The following CD44 variants were observed in gnomAD, a reference collection of about 807,000 sequenced individuals.
CD44 encodes the protein CD44 molecule (IN blood group).
Under a neutral mutation model 88.8 loss-of-function variants are expected in CD44, and 49 were observed. The ratio of observed to expected loss-of-function variants is 0.55; its 90% CI spans 0.44 to 0.70. The LOEUF (loss-of-function observed/expected upper bound fraction) is 0.70. Ranked by LOEUF, CD44 falls within the 30% of genes least tolerant of loss-of-function variation. The pLI, the probability that CD44 is intolerant of heterozygous loss-of-function variation, is 0.00. For synonymous variants in CD44, 325 were observed against 312.3 expected (o/e 1.04, Z -0.43); for missense variants, 883 against 913.8 (o/e 0.97, Z 0.43).
At chr11:35,166,804 C>T (rs1380541305) in intron 1 of CD44, among the ~76,000 whole-genome samples, 1 of 152,256 alleles carries the variant, frequency 6.6e-6, no homozygotes, top group East Asian at 1.9e-4. Flanking sequence ...GTTTTCTCTG[C>T]TCATTAAACC....
At chr11:35,217,510 T>C (rs1197419708) in intron 15 of CD44, among the ~76,000 whole-genome samples, 2 of 152,208 alleles carry the variant, frequency 1.3e-5, no homozygotes, top group African/African-American at 4.8e-5. Flanking sequence ...GGAAAGGGCC[T>C]TGGACTGTTT....
At chr11:35,158,543 T>C (rs778703783) in intron 1 of CD44, among the ~76,000 whole-genome samples, 3 of 152,202 alleles carry the variant, frequency 2.0e-5, no homozygotes, top group Non-Finnish European at 2.9e-5. Context: ...ATAGAACGAC[T>C]GGCATGGAGT....
intron 1 of CD44, among the ~76,000 whole-genome samples, chr11:35,144,418 C>T (rs1006627133): frequency 2.0e-5 from 3 of 152,188 alleles, no homozygotes; most frequent in African/African-American, 7.2e-5. Context: ...AGCAAGAAAC[C>T]GATGACTCAA....
chr11:35,219,517 C>T (rs970301020), intron 16 of CD44, 130 bp downstream of exon 16: 31 of 687,952 alleles, frequency 4.5e-5, no homozygotes, highest in Non-Finnish European at 7.4e-5. Flanking sequence ...AATTGCTCCT[C>T]TTTACAAGTT....
At chr11:35,153,909 G>A (rs1941513215) in intron 1 of CD44, among the ~76,000 whole-genome samples, 1 of 152,124 alleles carries the variant, frequency 6.6e-6, no homozygotes, top group Non-Finnish European at 1.5e-5. Flanking sequence ...TCTCACCATT[G>A]GGTCTTCTGA....
intron 1 of CD44, among the ~76,000 whole-genome samples, chr11:35,161,327 C>T (rs1942572173): frequency 6.6e-6 from 1 of 152,164 alleles, no homozygotes; most frequent in Non-Finnish European, 1.5e-5. Flanking sequence ...GAAAACATAG[C>T]ATGCATAACA....
intron 14 of CD44, among the ~76,000 whole-genome samples, chr11:35,212,394 T>C (rs755053336): frequency 6.0e-5 from 9 of 149,460 alleles, no homozygotes; most frequent in Non-Finnish European, 1.0e-4. Context: ...TGTGTGCATA[T>C]ATATATAATT....
In CD44 at chr11:35,176,637, A is replaced by G; in HGVS notation, c.130A>G (p.Ile44Val). ...CGTGGAGAAAAATGGTCGCTACAGC[A>G]TCTCTCGGACGGAGGCCGCTGACCT... ...FHVEKNGRYS[I>V]SRTEAADLCK... The change falls in exon 2 of 18, where the codon ATC becomes GTC. Residue 44 changes from isoleucine (I) to valine (V), a missense_variant. By Grantham distance (29) the Ile-to-Val change is conservative. This residue lies in a region of CD44 where 252 missense variants were observed against 322.9 expected (regional missense o/e 0.78). Coordinates refer to ENST00000428726, the MANE Select transcript of CD44 (RefSeq NM_000610.4). 1 of 1,614,192 alleles carries G rather than the reference A, an allele frequency of 6.2e-7. No individual in the cohort carries two copies. The highest frequency in any genetic ancestry group is 8.5e-7 in the Non-Finnish European group (1 of 1,179,998).
At chr11:35,222,755 A>T (rs1166776467) in intron 17 of CD44, 3 of 980,722 alleles carry the variant, frequency 3.1e-6, no homozygotes, top group Non-Finnish European at 3.6e-6. Flanking sequence ...ATTTTTCTCC[A>T]GGACGTAATT....
At chr11:35,173,933 G>T (rs1439326920) in intron 1 of CD44, among the ~76,000 whole-genome samples, 1 of 152,202 alleles carries the variant, frequency 6.6e-6, no homozygotes, top group Non-Finnish European at 1.5e-5. Context: ...GTCTGAGATA[G>T]ATTTCCTGCT....
In CD44 at chr11:35,192,884, T is replaced by C. The variant is rs139861432; in HGVS notation, c.667+2819T>C. On this transcript the variant is annotated intron_variant, in intron 5 of 17. Coordinates refer to ENST00000428726, the MANE Select transcript of CD44 (RefSeq NM_000610.4). ...GCTAGGCAGTAGCTTTTTCCATTTT[T>C]CCCCCTCATACCACTCCTTTCAGGA... is the stretch of plus-strand genomic sequence containing the variant. 6.8e-4 allele frequency among the ~76,000 whole-genome samples: 103 copies of C among 151,676 alleles called. 2 individuals carry two copies. The East Asian group carries it at 0.019, about 27-fold the overall frequency.
chr11:35,214,987 A>T (rs1948706530), intron 15 of CD44, 73 bp downstream of exon 15: 4 of 889,996 alleles, frequency 4.5e-6, no homozygotes, highest in Non-Finnish European at 6.6e-6. Flanking sequence ...ACGAAGTATG[A>T]GTCAGTGTCT....
chr11:35,196,846 T>C lies in CD44; in HGVS notation c.768T>C (p.Asn256=), dbSNP rs1217197500. 6.2e-7 allele frequency: 1 copy of C among 1,613,598 alleles called. No homozygotes were observed. The highest frequency in any genetic ancestry group is 1.3e-5 in the African/African-American group (1 of 74,942). The change falls in exon 6 of 18, where the codon AAT becomes AAC. Residue 256 remains asparagine (N), a synonymous_variant. Coordinates refer to ENST00000428726, the MANE Select transcript of CD44 (RefSeq NM_000610.4). ...SWLFLPSESK[N]HLHTTTQMAG... ...TGTTTCTACCATCAGAGTCAAAGAA[T>C]CATCTTCACACAACAACACAAATGG...
At position 35,208,170 on chromosome 11, in the gene CD44, G is replaced by A; in HGVS notation, c.1480G>A (p.Asp494Asn). 6.2e-7 allele frequency: 1 copy of A among 1,613,190 alleles called. No homozygotes were observed. The change falls in exon 12 of 18, where the codon GAT (aspartate) becomes AAT (asparagine). Residue 494 changes from aspartate to asparagine, a missense_variant. Physicochemically the swap from Asp to Asn is conservative, Grantham distance 23. Transcript: ENST00000428726. ...AAATCCAAACACAGGTTTGGTGGAA[G>A]ATTTGGACAGGACAGGACCTCTTTC... ...TANPNTGLVE[D>N]LDRTGPLSMT...
At chr11:35,190,741 A>G (rs7930724) in intron 5 of CD44, among the ~76,000 whole-genome samples, 117,162 of 152,206 alleles carry the variant, frequency 0.77, 45,934 homozygotes, top group African/African-American at 0.91. Flanking sequence ...CTTTGTTTTT[A>G]GTCCAAGGAA....
In CD44 at chr11:35,139,186, AC is replaced by A; in HGVS notation, c.-114del. The A allele has an allele frequency of 1.3e-6, 1 of 748,336 alleles. No individual in the cohort carries two copies. Among genetic ancestry groups the A allele is most frequent in the Non-Finnish European group, 2.3e-6 (1 of 429,670 alleles). The allele number at this position is 748,336 out of a possible 1,614,324, so 46.4% of individuals were successfully genotyped here. A position where few individuals can be genotyped will look rare whatever the true frequency, so the allele number is the denominator to read the frequency against. On this transcript the variant is annotated 5_prime_UTR_variant, in exon 1 of 18. Coordinates refer to ENST00000428726, the MANE Select transcript of CD44 (RefSeq NM_000610.4). Reference sequence around the variant, plus strand: ...CCGAGGCAGCCTCATTGCCCAGCGGACCCCAGCCTCTGCCAGGTTCGGTCCG... The same window carrying A: ...CCGAGGCAGCCTCATTGCCCAGCGGACCCAGCCTCTGCCAGGTTCGGTCCG...
At chr11:35,160,541 G>A (rs553418358) in intron 1 of CD44, among the ~76,000 whole-genome samples, 9 of 152,314 alleles carry the variant, frequency 5.9e-5, no homozygotes, top group African/African-American at 1.7e-4. Context: ...TGTTTGTAGC[G>A]TAAGTGAGAA....
At chr11:35,197,087 G>C in intron 6 of CD44, 2 of 494,538 alleles carry the variant, frequency 4.0e-6, no homozygotes, top group Non-Finnish European at 3.6e-6. Flanking sequence ...GATTAGTATA[G>C]ACCAGGAGAA....
intron 17 of CD44, chr11:35,222,967 C>T (rs940321001): frequency 1.0e-6 from 1 of 985,314 alleles, no homozygotes; most frequent in African/African-American, 1.7e-5. Context: ...CAGCTAATTC[C>T]AACACCATGG....
Sources: allele counts gnomAD v4.1 joint callset (sites outside exome capture counted in the v4.1 genomes callset), GRCh38; gene constraint gnomAD v4.1.1; regional missense constraint gnomAD v4.1.1; transcripts MANE v1.5; gene names NCBI Gene and HGNC (gene_info 2026-07-23, HGNC 2026-07-21).